Variants in TMPRSS5 observed in about 807,000 individuals in gnomAD.
TMPRSS5 encodes the protein transmembrane protease serine 5.
In TMPRSS5, 45 loss-of-function variants were observed where a neutral mutation model predicts 59.7. That is an observed-to-expected ratio of 0.75 (90% CI 0.59 to 0.97). The LOEUF is 0.97. TMPRSS5 is among the 50% of genes least tolerant of loss of function. The pLI, the probability that TMPRSS5 is intolerant of heterozygous loss-of-function variation, is 0.00. For synonymous variants in TMPRSS5, 225 were observed against 232.0 expected (o/e 0.97, Z 0.27); for missense variants, 585 against 596.7 (o/e 0.98, Z 0.20).
intron 1 of TMPRSS5, among the ~76,000 whole-genome samples, chr11:113,700,745 A>G (rs556105442): frequency 6.6e-6 from 1 of 152,332 alleles, no homozygotes; most frequent in Admixed American, 6.5e-5. Context: ...GTAAAGCACT[A>G]TATGTTAAGT....
intron 1 of TMPRSS5, among the ~76,000 whole-genome samples, chr11:113,701,382 C>T (rs990915583): frequency 5.3e-5 from 8 of 151,676 alleles, no homozygotes; most frequent in African/African-American, 1.7e-4. Flanking sequence ...AGATGAGGAA[C>T]GTCTTGGAAA....
At chr11:113,700,857 CG>C (rs1181372500) in intron 1 of TMPRSS5, among the ~76,000 whole-genome samples, 1 of 152,152 alleles carries the variant, frequency 6.6e-6, no homozygotes, top group Non-Finnish European at 1.5e-5. Context: ...CCCATATGTT[CG>C]GGTAGGGACC....
intron 1 of TMPRSS5, among the ~76,000 whole-genome samples, chr11:113,705,049 A>C (rs922258370): frequency 6.6e-6 from 1 of 152,120 alleles, no homozygotes; most frequent in African/African-American, 2.4e-5. Flanking sequence ...GGTAGATAAG[A>C]TCTCTCAAAA....
chr11:113,702,406 G>A (rs1312675841), intron 1 of TMPRSS5, among the ~76,000 whole-genome samples: 1 of 152,134 alleles, frequency 6.6e-6, no homozygotes, highest in Non-Finnish European at 1.5e-5. Flanking sequence ...AGGGTATCTG[G>A]CAGAAGAAAT....
intron 9 of TMPRSS5, 45 bp downstream of exon 9, chr11:113,693,026 C>CA: frequency 1.5e-6 from 2 of 1,332,228 alleles, no homozygotes. Flanking sequence ...CCCGCCCTCT[C>CA]TCGCCATAGT....
In TMPRSS5 at chr11:113,688,221, G is replaced by T; in HGVS notation, c.*39C>A. 6.4e-7 allele frequency: 1 copy of T among 1,569,564 alleles called. No individual in the cohort carries two copies. The highest frequency in any genetic ancestry group is 2.4e-5 in the East Asian group (1 of 42,470). On this transcript the variant is annotated 3_prime_UTR_variant, in exon 13 of 13. Transcript: ENST00000299882. ...CTGCTGGAGGCCCCAGGAAGCATGAGGCAGTGGTGTGCAGTGAGACTGGAG... is the reference window on the plus strand; with the variant it reads ...CTGCTGGAGGCCCCAGGAAGCATGATGCAGTGGTGTGCAGTGAGACTGGAG...
At chr11:113,693,005 C>G (rs1203856443) in intron 9 of TMPRSS5, 66 bp downstream of exon 9, 28 of 1,115,958 alleles carry the variant, frequency 2.5e-5, no homozygotes, top group Non-Finnish European at 3.2e-5. Context: ...TCACCACTCT[C>G]CCACCCAGCC....
chr11:113,697,065 G>T, intron 5 of TMPRSS5, 94 bp from the exon 6 acceptor site: 1 of 1,166,580 alleles, frequency 8.6e-7, no homozygotes, highest in Non-Finnish European at 1.3e-6. Flanking sequence ...CTGTGATAAT[G>T]ATTACTGCTG....
intron 6 of TMPRSS5, among the ~76,000 whole-genome samples, chr11:113,696,353 A>C (rs1952928750): frequency 6.6e-6 from 1 of 152,166 alleles, no homozygotes. Context: ...GGGCTGCTCC[A>C]TTCCACAGCC....
In TMPRSS5 at chr11:113,695,401, A is replaced by G; in HGVS notation, c.621T>C (p.Ser207=). ...CCCCTAGACCAAGATATGACTCACC[A>G]GAGCATCTGAGGGAAACAACTTGAC... The part of the protein sequence containing the change: ...TSGQVVSLRC[S]ECGARPLASR... Residue 207 remains serine (S), a splice_region_variant and synonymous_variant, in exon 7 of 13, where the codon TCT becomes TCC. Coordinates refer to ENST00000299882, the MANE Select transcript of TMPRSS5 (RefSeq NM_030770.4). 6.2e-7 allele frequency: 1 copy of G among 1,613,952 alleles called. No homozygotes were observed. Among genetic ancestry groups the G allele is most frequent in the South Asian group, 1.1e-5 (1 of 91,062 alleles).
intron 12 of TMPRSS5, among the ~76,000 whole-genome samples, chr11:113,688,797 G>A (rs966332328): frequency 4.6e-5 from 7 of 152,124 alleles, no homozygotes; most frequent in South Asian, 2.1e-4. Context: ...TCCTGACCTC[G>A]TGATCCGCCC....
At position 113,689,784 on chromosome 11, in the gene TMPRSS5, C is replaced by A; in HGVS notation, c.1340G>T (p.Trp447Leu). 1 of 1,610,744 alleles carries A rather than the reference C, an allele frequency of 6.2e-7. No homozygotes were observed. Among genetic ancestry groups the A allele is most frequent in the South Asian group, 1.1e-5 (1 of 89,854 alleles). ...ACTCACCTGAGCAGTGTCATGGATC[C>A]AGTCCAGAAACTCAGCTACCTTGGC... ...VYAKVAEFLD[W>L]IHDTAQDSLL Residue 447 changes from tryptophan (W) to leucine (L), a missense_variant, in exon 12 of 13, where the codon TGG becomes TTG. Trp to Leu is a moderately conservative substitution (Grantham distance 61). Coordinates refer to ENST00000299882, the MANE Select transcript of TMPRSS5 (RefSeq NM_030770.4).
intron 1 of TMPRSS5, among the ~76,000 whole-genome samples, chr11:113,703,146 G>A (rs899863462): frequency 6.6e-6 from 1 of 152,246 alleles, no homozygotes; most frequent in Admixed American, 6.5e-5. Flanking sequence ...CAGAAGTGGG[G>A]CTGTGCCCTG....
intron 10 of TMPRSS5, 141 bp downstream of exon 10, chr11:113,690,700 C>A (rs2134784074): frequency 1.2e-6 from 1 of 827,492 alleles, no homozygotes; most frequent in East Asian, 2.7e-5. Context: ...AGACTGGAGA[C>A]CCTAGGCCTG....
chr11:113,698,868 G>T, intron 4 of TMPRSS5, 37 bp downstream of exon 4: 1 of 1,566,162 alleles, frequency 6.4e-7, no homozygotes, highest in Non-Finnish European at 8.7e-7. Flanking sequence ...GGTCCCTGCT[G>T]GGGAGGGAGG....
At position 113,694,399 on chromosome 11, in the gene TMPRSS5, C is replaced by T. The variant is rs1017236768; in HGVS notation, c.785+79G>A. 2.1e-5 allele frequency: 31 copies of T among 1,468,188 alleles called. No individual in the cohort carries two copies. The Admixed American group carries it at 5.7e-4, about 27-fold the overall frequency. The allele number at this position is 1,468,188 out of a possible 1,614,324, so 90.9% of individuals were successfully genotyped here. ...AAAGCTGGAGACAGTTGGACACGAA[C>T]ATTTGATACAGGACATACCAACAGC... On this transcript the variant is annotated intron_variant, in intron 8 of 12. Coordinates refer to ENST00000299882, the MANE Select transcript of TMPRSS5 (RefSeq NM_030770.4).
chr11:113,690,106 C>G lies in TMPRSS5; in HGVS notation c.1206+125G>C, dbSNP rs574643231. 23 of 1,371,292 alleles carry G rather than the reference C, an allele frequency of 1.7e-5. No individual in the cohort carries two copies. The South Asian group carries it at 2.9e-4, about 17-fold the overall frequency. 84.9% of individuals were successfully genotyped at this position (1,371,292 alleles called of 1,614,324 possible). On this transcript the variant is annotated intron_variant, in intron 11 of 12. Coordinates refer to ENST00000299882, the MANE Select transcript of TMPRSS5 (RefSeq NM_030770.4). ...CAGACTTGCCTAGGTGCCCCTCCTT[C>G]TAGAGAGGCTGTCTCACACCACTGA...
intron 1 of TMPRSS5, 89 bp from the exon 2 acceptor site, chr11:113,700,257 C>T: frequency 3.3e-6 from 4 of 1,206,168 alleles, no homozygotes; most frequent in Non-Finnish European, 4.5e-6. Flanking sequence ...CATTCTTTAA[C>T]CCCAGCCATG....
chr11:113,699,165 G>GGCCTCA (rs1377840186), intron 3 of TMPRSS5, 138 bp from the exon 4 acceptor site: 4 of 824,666 alleles, frequency 4.9e-6, no homozygotes, highest in Non-Finnish European at 7.4e-6. Context: ...CATCTCTCTC[G>GGCCTCA]GCCTCAGCCT....
Sources: gnomAD v4.1 joint callset for allele counts (sites outside exome capture counted in the v4.1 genomes callset) on GRCh38, gnomAD v4.1.1 for gene constraint, MANE v1.5 for transcripts, NCBI Gene and HGNC (gene_info 2026-07-23, HGNC 2026-07-21) for gene names.